Variants in CREBRF observed in about 807,000 individuals in gnomAD.
CREBRF encodes CREB3 regulatory factor.
In CREBRF, 5 loss-of-function variants were observed where a neutral mutation model predicts 66.1. That is an observed-to-expected ratio of 0.08 (90% confidence interval 0.04 to 0.16). The LOEUF (loss-of-function observed/expected upper bound fraction) is 0.16. Among genes scored for constraint, CREBRF ranks in the 10% least tolerant of loss-of-function variants. The probability of loss-of-function intolerance (pLI) is 1.00; values close to 1 mark genes in which losing one functional copy is unlikely to be tolerated. For missense variants in CREBRF, 531 were observed against 744.9 expected, an observed-to-expected ratio of 0.71 and a Z score of 3.34; for synonymous variants, 229 against 264.4, an observed-to-expected ratio of 0.87 and a Z score of 1.30.
intron 3 of CREBRF, among the ~76,000 whole-genome samples, chr5:173,088,496 A>G (rs1337789912): frequency 6.6e-6 from 1 of 150,870 alleles, no homozygotes; most frequent in Non-Finnish European, 1.5e-5. Context: ...TCTCAAAAAA[A>G]AAAAAAAAAA....
At chr5:173,065,613 C>T (rs553200619) in intron 1 of CREBRF, among the ~76,000 whole-genome samples, 10 of 129,828 alleles carry the variant, frequency 7.7e-5, no homozygotes, top group African/African-American at 2.5e-4. Flanking sequence ...CCCTCTCTCT[C>T]TTTATTCCCT....
intron 7 of CREBRF, among the ~76,000 whole-genome samples, chr5:173,115,062 G>A (rs1156720485): frequency 6.6e-6 from 1 of 151,006 alleles, no homozygotes; most frequent in Admixed American, 6.6e-5. Flanking sequence ...ATTCTGCTCA[G>A]TTTTACTTTA....
intron 4 of CREBRF, among the ~76,000 whole-genome samples, chr5:173,107,722 C>G (rs1758780505): frequency 2.0e-5 from 3 of 152,072 alleles, no homozygotes; most frequent in Admixed American, 2.0e-4. Context: ...TGCCTGTAAT[C>G]CCAGCACTTT....
chr5:173,082,181 T>C (rs1271705572), intron 2 of CREBRF, among the ~76,000 whole-genome samples: 1 of 151,586 alleles, frequency 6.6e-6, no homozygotes, highest in Non-Finnish European at 1.5e-5. Context: ...GCCTGGCTAA[T>C]TTTTTGTATT....
chr5:173,074,758 G>A (rs536261019), intron 1 of CREBRF, among the ~76,000 whole-genome samples: 1 of 152,202 alleles, frequency 6.6e-6, no homozygotes, highest in African/African-American at 2.4e-5. Flanking sequence ...AAGTAGCTGG[G>A]ACGGCAAGTG....
rs1758889945 is a variant in CREBRF at position 173,112,330 on chromosome 5, C to T, written c.1632C>T (p.Ala544=). The stretch of plus-strand genomic sequence containing the variant: ...GAGCTTGTCGGTTAAAGAAGAAAGC[C>T]CAGTATGAAGCTAATAAAGTGAAAT... ...ASRACRLKKK[A]QYEANKVKLW... The change falls in exon 7 of 9, where the codon GCC becomes GCT. Residue 544 remains alanine, a synonymous_variant. Transcript: ENST00000296953. The T allele has an allele frequency of 1.2e-6, 2 of 1,603,512 alleles. No homozygotes were observed. The highest frequency in any genetic ancestry group is 1.7e-6 in the Non-Finnish European group (2 of 1,174,488).
chr5:173,096,190 C>T (rs1039853231), intron 4 of CREBRF, among the ~76,000 whole-genome samples: 6 of 152,054 alleles, frequency 3.9e-5, no homozygotes, highest in African/African-American at 1.2e-4. Context: ...AGGATGGTCT[C>T]GATCTCCTAA....
intron 4 of CREBRF, among the ~76,000 whole-genome samples, chr5:173,092,486 G>A (rs964187956): frequency 1.6e-4 from 24 of 152,142 alleles, no homozygotes; most frequent in Non-Finnish European, 1.9e-4. Flanking sequence ...TTGCCAAGTG[G>A]CACATGGTTG....
intron 7 of CREBRF, among the ~76,000 whole-genome samples, chr5:173,118,739 T>C (rs1759066896): frequency 6.6e-6 from 1 of 151,736 alleles, no homozygotes; most frequent in Non-Finnish European, 1.5e-5. Context: ...CTTTTTTTTT[T>C]TTTTTTAAAT....
chr5:173,103,663 T>A (rs921558727), intron 4 of CREBRF, among the ~76,000 whole-genome samples: 2 of 152,210 alleles, frequency 1.3e-5, no homozygotes, highest in African/African-American at 4.8e-5. Flanking sequence ...AGTTTTAGTC[T>A]CTTTTCTGGA....
chr5:173,102,116 C>T (rs1476678292), intron 4 of CREBRF, among the ~76,000 whole-genome samples: 1 of 152,170 alleles, frequency 6.6e-6, no homozygotes, highest in African/African-American at 2.4e-5. Context: ...TTGTGTTCTT[C>T]AGCTCTAGAT....
intron 7 of CREBRF, among the ~76,000 whole-genome samples, chr5:173,119,762 T>G (rs2113789641): frequency 1.3e-5 from 2 of 152,340 alleles, no homozygotes; most frequent in East Asian, 1.9e-4. Context: ...TGAGATGCCC[T>G]TTATCATTTT....
In CREBRF at chr5:173,130,738, C is replaced by T. The variant is rs542945204; in HGVS notation, c.1805-2892C>T. ...TTTATTTTTATTTTTGAAATGGAGT[C>T]TCACTCTGTCTCCCAGGCTGGAGTG... On this transcript the variant is annotated intron_variant, in intron 8 of 8. Coordinates refer to ENST00000296953, the MANE Select transcript of CREBRF (RefSeq NM_153607.3). Among the ~76,000 whole-genome samples, 32 of 152,024 alleles carry T rather than the reference C, an allele frequency of 2.1e-4. No homozygotes were observed. The South Asian group carries it at 6.2e-3, about 30-fold the overall frequency.
intron 1 of CREBRF, among the ~76,000 whole-genome samples, chr5:173,076,578 C>T (rs180872022): frequency 4.3e-4 from 65 of 151,994 alleles, no homozygotes; most frequent in Admixed American, 2.2e-3. Context: ...TGGTGAAAAC[C>T]GGTCTTTACT....
chr5:173,083,751 T>G (rs141218453), intron 2 of CREBRF, among the ~76,000 whole-genome samples: 53 of 152,354 alleles, frequency 3.5e-4, no homozygotes, highest in African/African-American at 1.2e-3. Context: ...GAAGAAATGT[T>G]ATACAGCTAA....
At chr5:173,060,477 C>G (rs1227589162) in intron 1 of CREBRF, 1 of 151,984 alleles carries the variant, frequency 6.6e-6, no homozygotes, top group Non-Finnish European at 1.5e-5. Flanking sequence ...ATGATCCGCC[C>G]GCATTGGCCT....
chr5:173,133,085 C>G (rs1035190932), intron 8 of CREBRF, among the ~76,000 whole-genome samples: 1 of 152,164 alleles, frequency 6.6e-6, no homozygotes, highest in African/African-American at 2.4e-5. Context: ...TATGCTGCTC[C>G]CACCTTTCTC....
intron 7 of CREBRF, among the ~76,000 whole-genome samples, chr5:173,121,232 C>G (rs986585431): frequency 6.6e-6 from 1 of 151,934 alleles, no homozygotes; most frequent in Admixed American, 6.6e-5. Flanking sequence ...AAGGAACCAG[C>G]TTTTGGCTTT....
intron 1 of CREBRF, among the ~76,000 whole-genome samples, chr5:173,073,914 C>CCTCT (rs952677877): frequency 6.9e-4 from 105 of 152,206 alleles, no homozygotes; most frequent in African/African-American, 2.4e-3. Flanking sequence ...TTGTAGTGAG[C>CCTCT]CGAGATTGCG....
Sources: gnomAD v4.1 joint callset for allele counts (sites outside exome capture counted in the v4.1 genomes callset) on GRCh38, gnomAD v4.1.1 for gene constraint, MANE v1.5 for transcripts, NCBI Gene and HGNC (gene_info 2026-07-23, HGNC 2026-07-21) for gene names.